The following NBEA variants were observed in gnomAD, a reference collection of about 807,000 sequenced individuals.
NBEA encodes neurobeachin, also known as lysosomal-trafficking regulator 2.
In NBEA, 44 loss-of-function variants were observed where a neutral mutation model predicts 343.4. The observed-to-expected ratio is 0.13, with a 90% CI of 0.10 to 0.16. The LOEUF is 0.16. NBEA is among the 10% of genes least tolerant of loss of function. The pLI is 1.00. For missense variants in NBEA, 2,555 were observed against 3,631.3 expected (o/e 0.70, Z 7.62); for synonymous variants, 1,175 against 1,238.7 (o/e 0.95, Z 1.08).
chr13:35,048,656 G>C lies in NBEA; in HGVS notation c.817G>C (p.Val273Leu). The change falls in exon 5 of 59, where the codon GTT becomes CTT. Residue 273 changes from valine (V) to leucine (L), a missense_variant. By Grantham distance (32) the Val-to-Leu change is conservative. Around this residue, in one of 21 missense-constraint regions of NBEA, gnomAD observed 185 missense variants for 290.6 expected, o/e 0.64. Coordinates refer to ENST00000379939, the MANE Select transcript of NBEA (RefSeq NM_001385012.1). ...TATGGATCCATTAAATAATATTAAT[G>C]TTGATAAGGATAAACCTTATCTTTA... ...FRMDPLNNIN[V>L]DKDKPYLYCF... is the part of the protein sequence containing the mutation. 1 of 1,422,410 alleles carries C rather than the reference G, an allele frequency of 7.0e-7. No homozygotes were observed. The highest frequency in any genetic ancestry group is 1.2e-5 in the South Asian group (1 of 83,852). The allele number at this position is 1,422,410 out of a possible 1,614,324, so 88.1% of individuals were successfully genotyped here. A position where few individuals can be genotyped will look rare whatever the true frequency, so the allele number is the denominator to read the frequency against.
At chr13:35,000,570 G>C (rs1269269008) in intron 1 of NBEA, among the ~76,000 whole-genome samples, 1 of 134,010 alleles carries the variant, frequency 7.5e-6, no homozygotes, top group East Asian at 2.1e-4. Flanking sequence ...ATGTTATATA[G>C]ATTATATATT....
At chr13:34,958,878 A>G (rs1465291795) in intron 1 of NBEA, among the ~76,000 whole-genome samples, 1 of 152,178 alleles carries the variant, frequency 6.6e-6, no homozygotes, top group Non-Finnish European at 1.5e-5. Context: ...TCAGTATTCT[A>G]AGATCAGGAT....
chr13:35,467,235 A>G (rs2075421234), intron 40 of NBEA, among the ~76,000 whole-genome samples: 1 of 152,292 alleles, frequency 6.6e-6, no homozygotes, highest in East Asian at 1.9e-4. Context: ...GCACTGTGGG[A>G]GGCCAAGGCG....
chr13:35,347,078 G>A lies in NBEA; in HGVS notation c.5904-2030G>A, dbSNP rs1009385415. 2.0e-5 allele frequency among the ~76,000 whole-genome samples: 3 copies of A among 152,050 alleles called. No individual in the cohort carries two copies. The East Asian group carries it at 5.8e-4, about 29-fold the overall frequency. On this transcript the variant is annotated intron_variant, in intron 36 of 58. Transcript: ENST00000379939. Reference sequence around the variant, plus strand: ...AGTCACACTCACCTCAAAGACATATGTAGGCTTTTAAAATTATATTTAAAC... The same window carrying A: ...AGTCACACTCACCTCAAAGACATATATAGGCTTTTAAAATTATATTTAAAC...
chr13:35,398,040 A>G (rs917409175), intron 38 of NBEA, among the ~76,000 whole-genome samples: 3 of 152,114 alleles, frequency 2.0e-5, no homozygotes, highest in African/African-American at 7.2e-5. Flanking sequence ...CAGTCCTCTC[A>G]AACCCTGCAG....
chr13:35,348,180 C>A (rs769775135), intron 36 of NBEA, among the ~76,000 whole-genome samples: 3 of 152,010 alleles, frequency 2.0e-5, no homozygotes, highest in Non-Finnish European at 2.9e-5. Flanking sequence ...TAATCTCTGC[C>A]ACATGTTATT....
intron 55 of NBEA, among the ~76,000 whole-genome samples, chr13:35,661,435 C>A (rs754256267): frequency 6.6e-6 from 1 of 152,120 alleles, no homozygotes; most frequent in Non-Finnish European, 1.5e-5. Flanking sequence ...ATAATTTCAC[C>A]GTATCTGTCT....
At chr13:35,347,814 T>C (rs891082548) in intron 36 of NBEA, among the ~76,000 whole-genome samples, 1 of 151,798 alleles carries the variant, frequency 6.6e-6, no homozygotes, top group Non-Finnish European at 1.5e-5. Context: ...CCATGTGGAG[T>C]TGCCTGGGTC....
chr13:34,963,651 A>G (rs932300016), intron 1 of NBEA, among the ~76,000 whole-genome samples: 2 of 151,680 alleles, frequency 1.3e-5, no homozygotes, highest in African/African-American at 4.8e-5. Context: ...TTGTAAACCC[A>G]TTGCTTTTTT....
chr13:35,524,236 CAAAGAA>C (rs2077860066), intron 41 of NBEA, among the ~76,000 whole-genome samples: 1 of 152,098 alleles, frequency 6.6e-6, no homozygotes, highest in Non-Finnish European at 1.5e-5. Flanking sequence ...GCTACAGACT[CAAAGAA>C]AAAGAAAAAG....
In NBEA at chr13:35,045,060, C is replaced by T. The variant is rs532771723; in HGVS notation, c.627+13C>T. On this transcript the variant is annotated intron_variant, in intron 3 of 58. Transcript: ENST00000379939. ...AAGTGGAATCTGGGTAAGCTGTGGT[C>T]GGAGGGAAAGGTATTCAGTATCAGT... 25 of 1,593,660 alleles carry T rather than the reference C, an allele frequency of 1.6e-5. No homozygotes were observed. The highest frequency in any genetic ancestry group is 3.3e-4 in the Middle Eastern group (2 of 6,034).
intron 49 of NBEA, among the ~76,000 whole-genome samples, chr13:35,628,674 T>G (rs1367324948): frequency 6.6e-6 from 1 of 152,164 alleles, no homozygotes; most frequent in African/African-American, 2.4e-5. Context: ...TTCCAGCACT[T>G]TGGGAGGCCA....
At chr13:34,962,260 C>G (rs1374984989) in intron 1 of NBEA, among the ~76,000 whole-genome samples, 1 of 151,922 alleles carries the variant, frequency 6.6e-6, no homozygotes, top group Admixed American at 6.6e-5. Context: ...CTCTTTTTCT[C>G]TCTATGTGTG....
chr13:35,120,645 A>G (rs2066744208), intron 16 of NBEA, among the ~76,000 whole-genome samples: 1 of 151,794 alleles, frequency 6.6e-6, no homozygotes, highest in South Asian at 2.1e-4. Flanking sequence ...AACTCAGTTT[A>G]ATTCTGATGG....
intron 19 of NBEA, 92 bp downstream of exon 19, chr13:35,155,947 A>G (rs2069142659): frequency 6.7e-7 from 1 of 1,489,804 alleles, no homozygotes. Context: ...TTAAATCATT[A>G]TGGTGTTTAC....
At chr13:35,343,508 C>T (rs561901458) in intron 36 of NBEA, among the ~76,000 whole-genome samples, 91 of 152,224 alleles carry the variant, frequency 6.0e-4, no homozygotes, top group Middle Eastern at 3.4e-3. Context: ...GGTCCCCAAT[C>T]CCTGGGCCAC....
chr13:35,651,728 A>G (rs759423316), intron 52 of NBEA, 77 bp from the exon 53 acceptor site: 84 of 851,464 alleles, frequency 9.9e-5, no homozygotes, highest in Non-Finnish European at 1.5e-4. Flanking sequence ...TAAAATCATC[A>G]TAAAACACTA....
At chr13:35,299,238 A>G (rs1340710540) in intron 35 of NBEA, among the ~76,000 whole-genome samples, 1 of 152,178 alleles carries the variant, frequency 6.6e-6, no homozygotes, top group Non-Finnish European at 1.5e-5. Context: ...AATTTACTCT[A>G]CCATTTTTCC....
chr13:35,380,970 A>G (rs908242469), intron 38 of NBEA, among the ~76,000 whole-genome samples: 1 of 152,140 alleles, frequency 6.6e-6, no homozygotes, highest in African/African-American at 2.4e-5. Context: ...CCTATTTGTT[A>G]AAAGTTTTTA....
Sources: allele counts gnomAD v4.1 joint callset (sites outside exome capture counted in the v4.1 genomes callset), GRCh38; gene constraint gnomAD v4.1.1; regional missense constraint gnomAD v4.1.1; transcripts MANE v1.5; gene names NCBI Gene and HGNC (gene_info 2026-07-23, HGNC 2026-07-21).